The following ZMAT1 variants were observed in gnomAD, a reference collection of about 807,000 sequenced individuals.
The protein encoded by ZMAT1 is zinc finger matrin-type protein 1.
In ZMAT1, 11 loss-of-function variants were observed where a neutral mutation model predicts 18.5. The ratio of observed to expected loss-of-function variants is 0.59; its 90% CI spans 0.37 to 0.98. ZMAT1 has a LOEUF of 0.98. Among genes scored for constraint, ZMAT1 ranks in the 50% least tolerant of loss-of-function variants. The probability of loss-of-function intolerance (pLI) is 0.01; values close to 1 mark genes in which losing one functional copy is unlikely to be tolerated. For synonymous variants in ZMAT1, 211 were observed against 176.4 expected (o/e 1.20, Z -1.55); for missense variants, 525 against 496.2 (o/e 1.06, Z -0.55).
chrX:101,909,177 T>G (rs2213322), intron 1 of ZMAT1, among the ~76,000 whole-genome samples: 18,997 of 108,752 alleles, frequency 0.17, 1,331 homozygotes, highest in African/African-American at 0.2. Context: ...GCCAGAAAGG[T>G]ATTCCCTGAC....
intron 1 of ZMAT1, among the ~76,000 whole-genome samples, chrX:101,916,245 T>C (rs1361935967): frequency 1.0e-5 from 1 of 96,655 alleles, no homozygotes; most frequent in African/African-American, 4.0e-5. Context: ...AGTTGGGGGG[T>C]GGGGGCGAAA....
intron 1 of ZMAT1, among the ~76,000 whole-genome samples, chrX:101,911,078 C>A (rs981040048): frequency 9.0e-6 from 1 of 111,295 alleles, no homozygotes; most frequent in African/African-American, 3.3e-5. Context: ...ATATGTCAGG[C>A]AGCAGACTTT....
chrX:101,919,044 C>T (rs1929548725), intron 1 of ZMAT1, among the ~76,000 whole-genome samples: 1 of 111,018 alleles, frequency 9.0e-6, no homozygotes, highest in Admixed American at 9.6e-5. Flanking sequence ...AATCAAATGG[C>T]ATAATATTCC....
Position 101,932,009 on chromosome X carries a change from C to A in ZMAT1, c.-1G>T. 1.3e-6 allele frequency: 1 copy of A among 766,023 alleles called. No homozygotes were observed. Among genetic ancestry groups the A allele is most frequent in the South Asian group, 6.0e-5 (1 of 16,737 alleles). 63.1% of individuals were successfully genotyped at this position (766,023 alleles called of 1,213,427 possible). The stretch of plus-strand genomic sequence containing the variant: ...TGACTGTGCTCGGCGCCGCCGCCAT[C>A]GCAGCGAGGCGCGCGGACAATTGCA... On this transcript the variant is annotated 5_prime_UTR_variant, in exon 1 of 6. Coordinates refer to ENST00000651725, the MANE Select transcript of ZMAT1 (RefSeq NM_001394560.1).
chrX:101,895,749 G>A (rs1927756317), intron 4 of ZMAT1: 17 of 591,084 alleles, frequency 2.9e-5, no homozygotes, highest in Non-Finnish European at 3.0e-5. Context: ...TGCAAAATTT[G>A]TTCGGATTAT....
chrX:101,889,070 TG>T (rs999279757), intron 4 of ZMAT1: 1 of 111,833 alleles, frequency 8.9e-6, no homozygotes, highest in African/African-American at 3.2e-5. Context: ...TTTCTAGAAC[TG>T]TAGTCTGATT....
At chrX:101,924,525 A>AT (rs1929941190) in intron 1 of ZMAT1, among the ~76,000 whole-genome samples, 1 of 112,357 alleles carries the variant, frequency 8.9e-6, no homozygotes, top group Admixed American at 9.5e-5. Context: ...TCTGATGCTG[A>AT]TATCATTTAT....
At chrX:101,927,043 C>A (rs749949894) in intron 1 of ZMAT1, among the ~76,000 whole-genome samples, 37 of 112,336 alleles carry the variant, frequency 3.3e-4, no homozygotes, top group African/African-American at 1.1e-3. Context: ...TCAAGTCAGG[C>A]ATTACAAAAT....
intron 2 of ZMAT1, among the ~76,000 whole-genome samples, chrX:101,902,916 GTA>G (rs752343983): frequency 9.0e-6 from 1 of 111,442 alleles, no homozygotes; most frequent in Admixed American, 9.5e-5. Flanking sequence ...AAATGCATGT[GTA>G]TATGTGTGTG....
chrX:101,886,748 T>TTTTGAAGG lies in ZMAT1; in HGVS notation c.677-18_677-17insCCTTCAAA, dbSNP rs1490780533. On this transcript the variant is annotated splice_polypyrimidine_tract_variant and intron_variant, in intron 4 of 5. Transcript: ENST00000651725. Reference sequence around the variant, plus strand: ...TACTAAATGCTGAAAAAACAAAGAGTTCAAGTTAAGAAGGTCAGTATAAAT... The same window carrying TTTTGAAGG: ...TACTAAATGCTGAAAAAACAAAGAGTTTTGAAGGTCAAGTTAAGAAGGTCAGTATAAAT... 18 of 1,114,578 alleles carry TTTTGAAGG rather than the reference T, an allele frequency of 1.6e-5. No homozygotes were observed. In the Admixed American group the frequency reaches 4.3e-4, roughly 27 times the overall value. 91.9% of individuals were successfully genotyped at this position (1,114,578 alleles called of 1,213,427 possible). A position where few individuals can be genotyped will look rare whatever the true frequency, so the allele number is the denominator to read the frequency against.
intron 4 of ZMAT1, among the ~76,000 whole-genome samples, chrX:101,896,636 T>C (rs763986742): frequency 2.1e-4 from 24 of 112,451 alleles, no homozygotes; most frequent in Non-Finnish European, 3.9e-4. Flanking sequence ...GAGTTCAAAA[T>C]TGATGTTGGT....
At chrX:101,919,519 C>T (rs1054365883) in intron 1 of ZMAT1, among the ~76,000 whole-genome samples, 6 of 111,577 alleles carry the variant, frequency 5.4e-5, no homozygotes, top group East Asian at 2.8e-4. Flanking sequence ...TGACAAACTA[C>T]GTGATGCAAT....
intron 1 of ZMAT1, among the ~76,000 whole-genome samples, chrX:101,923,449 C>A (rs1312171032): frequency 1.8e-5 from 2 of 111,659 alleles, no homozygotes; most frequent in Non-Finnish European, 3.8e-5. Context: ...GGGGTACTTA[C>A]AGAGGACCCA....
intron 4 of ZMAT1, among the ~76,000 whole-genome samples, chrX:101,890,712 G>C (rs1927319637): frequency 9.0e-6 from 1 of 110,748 alleles, no homozygotes; most frequent in South Asian, 3.8e-4. Context: ...AGAAGCAGGG[G>C]CACTCAGCAT....
In ZMAT1 at chrX:101,883,630, T is replaced by C. The variant is rs1926655619; in HGVS notation, c.1968A>G (p.Lys656=). The part of the protein sequence containing the change: ...SSGKLKHRKK[K]KSHDVPSEKE... ...TCTCGGAGGGTACATCATGGCTTTT[T>C]TTCTTTTTTCGATGCTTAAGCTTTC... Residue 656 remains lysine (K), a synonymous_variant, in exon 6 of 6, where the codon AAA becomes AAG. Coordinates refer to ENST00000651725, the MANE Select transcript of ZMAT1 (RefSeq NM_001394560.1). 2 of 1,207,482 alleles carry C rather than the reference T, an allele frequency of 1.7e-6. No individual in the cohort carries two copies. Among genetic ancestry groups the C allele is most frequent in the Admixed American group, 2.2e-5 (1 of 45,460 alleles).
At chrX:101,907,202 G>A (rs992696791) in intron 1 of ZMAT1, among the ~76,000 whole-genome samples, 1 of 111,655 alleles carries the variant, frequency 9.0e-6, no homozygotes, top group Non-Finnish European at 1.9e-5. Flanking sequence ...AGCACCAGGT[G>A]AGCCCCTGTG....
At position 101,931,788 on chromosome X, in the gene ZMAT1, CCGCCAAAGCCGCCGCCGCCGCCGT is replaced by C. The variant is rs1292994195; in HGVS notation, c.197_220del (p.Asp66_Gly73del). 1.8e-5 allele frequency: 14 copies of C among 779,168 alleles called. No homozygotes were observed. The highest frequency in any genetic ancestry group is 8.5e-5 in the Admixed American group (1 of 11,731). 64.2% of individuals were successfully genotyped at this position (779,168 alleles called of 1,213,427 possible). The stretch of plus-strand genomic sequence containing the variant: ...CCTCCCCGCCGCCGCCATAGTGGAG[CCGCCAAAGCCGCCGCCGCCGCCGT>C]CGCCACAGCCACCGGCAGGCGGGCA... On this transcript the variant is annotated inframe_deletion, in exon 1 of 6. Transcript: ENST00000651725.
In ZMAT1 at chrX:101,884,534, T is replaced by C; in HGVS notation, c.1064A>G (p.Lys355Arg). ...ATCTTGGAAAGAGTCATATGTCTTC[T>C]TTGAATGAGGTAACTGCTTTTCCAT... ...QAMEKQLPHS[K>R]KTYDSFQDEL... Residue 355 changes from lysine (K) to arginine (R), a missense_variant, in exon 6 of 6, where the codon AAG (lysine) becomes AGG (arginine). Coordinates refer to ENST00000651725, the MANE Select transcript of ZMAT1 (RefSeq NM_001394560.1). 8.3e-7 allele frequency: 1 copy of C among 1,211,368 alleles called. No individual in the cohort carries two copies. Among genetic ancestry groups the C allele is most frequent in the Middle Eastern group, 2.3e-4 (1 of 4,345 alleles).
intron 1 of ZMAT1, among the ~76,000 whole-genome samples, chrX:101,906,969 C>T (rs1006205674): frequency 1.8e-5 from 2 of 111,147 alleles, no homozygotes; most frequent in Non-Finnish European, 3.8e-5. Context: ...GGCAGGACCC[C>T]TTGGACTGAG....
Sources: gnomAD v4.1 joint callset for allele counts (sites outside exome capture counted in the v4.1 genomes callset) on GRCh38, gnomAD v4.1.1 for gene constraint, MANE v1.5 for transcripts, NCBI Gene and HGNC (gene_info 2026-07-23, HGNC 2026-07-21) for gene names.